The following ST6GALNAC1 variants were observed in gnomAD, a reference collection of about 807,000 sequenced individuals.
ST6GALNAC1 encodes the protein alpha-N-acetylgalactosaminide alpha-2,6-sialyltransferase 1.
In ST6GALNAC1, 45 loss-of-function variants were observed where a neutral mutation model predicts 56.8. That is an observed-to-expected ratio of 0.79 (90% confidence interval 0.62 to 1.02). The LOEUF is 1.02. ST6GALNAC1 is among the 50% of genes least tolerant of loss of function. ST6GALNAC1 has a pLI of 0.00. For synonymous variants in ST6GALNAC1, 295 were observed against 297.8 expected (o/e 0.99, Z 0.10); for missense variants, 743 against 754.8 (o/e 0.98, Z 0.18).
chr17:76,626,032 T>C lies in ST6GALNAC1; in HGVS notation c.1479A>G (p.Pro493=), dbSNP rs763771311. 6.2e-7 allele frequency: 1 copy of C among 1,614,180 alleles called. No homozygotes were observed. The highest frequency in any genetic ancestry group is 1.1e-5 in the South Asian group (1 of 91,084). The change falls in exon 7 of 9, where the codon CCA becomes CCG. Residue 493 remains proline (P), a synonymous_variant. Coordinates refer to ENST00000156626, the MANE Select transcript of ST6GALNAC1 (RefSeq NM_018414.5). ...LHMDRYLLLH[P]DFLRYMKNRF... ...TGTTCTTCATGTATCGGAGAAAGTCTGGGTGCAGCAACAGGTACCTGTCCA... is the reference window on the plus strand; with the variant it reads ...TGTTCTTCATGTATCGGAGAAAGTCCGGGTGCAGCAACAGGTACCTGTCCA...
chr17:76,622,863 T>C (rs1005493452), downstream of ST6GALNAC1, among the ~76,000 whole-genome samples: 2 of 151,440 alleles, frequency 1.3e-5, no homozygotes, highest in Non-Finnish European at 2.9e-5. Context: ...TCGCGATCTC[T>C]GCTCACTGCA....
intron 1 of ST6GALNAC1, among the ~76,000 whole-genome samples, chr17:76,638,377 AT>A (rs1282720191): frequency 6.6e-6 from 1 of 151,726 alleles, no homozygotes; most frequent in African/African-American, 2.4e-5. Flanking sequence ...ATAGAATTGT[AT>A]TTTTTATTTT....
intron 1 of ST6GALNAC1, among the ~76,000 whole-genome samples, chr17:76,630,017 G>C (rs4789333): frequency 0.81 from 122,283 of 151,880 alleles, 49,912 homozygotes; most frequent in South Asian, 0.86. Context: ...CTCCTGACCT[G>C]CCCAGTGATC....
Position 76,627,372 on chromosome 17 carries a change from G to C in ST6GALNAC1, c.1000+43C>G, listed in dbSNP as rs780085500. ...CCAGCTGCCCTCTGCCCTCTGCCCCGGCCTACTGCGCACCCACACCTTCCC... is the reference window on the plus strand; with the variant it reads ...CCAGCTGCCCTCTGCCCTCTGCCCCCGCCTACTGCGCACCCACACCTTCCC... On this transcript the variant is annotated intron_variant, in intron 3 of 8. Coordinates refer to ENST00000156626, the MANE Select transcript of ST6GALNAC1 (RefSeq NM_018414.5). This position sits in a 1 kb window ranked among gnomAD's most constrained non-coding sequence, Gnocchi z 4.4. 17 of 1,572,824 alleles carry C rather than the reference G, an allele frequency of 1.1e-5. No individual in the cohort carries two copies. The Admixed American group carries it at 2.9e-4, about 27-fold the overall frequency.
chr17:76,628,867 G>GCT, intron 2 of ST6GALNAC1, 145 bp downstream of exon 2: 1 of 738,012 alleles, frequency 1.4e-6, no homozygotes, highest in Non-Finnish European at 2.2e-6. Context: ...GTAGGGCTGA[G>GCT]CTCTGCCTCA....
At chr17:76,636,517 G>C (rs2075975037) in intron 1 of ST6GALNAC1, among the ~76,000 whole-genome samples, 1 of 152,114 alleles carries the variant, frequency 6.6e-6, no homozygotes, top group African/African-American at 2.4e-5. Flanking sequence ...AGGAAGACAG[G>C]ACCACAGACA....
downstream of ST6GALNAC1, among the ~76,000 whole-genome samples, chr17:76,623,060 A>G (rs1167169233): frequency 6.6e-6 from 1 of 152,002 alleles, no homozygotes; most frequent in Admixed American, 6.6e-5. Context: ...CTGTCATTTC[A>G]TTTTTTTACA....
intron 1 of ST6GALNAC1, chr17:76,641,958 TGAG>T (rs2076053210): frequency 6.7e-6 from 1 of 150,130 alleles, no homozygotes. Context: ...TACGTATATA[TGAG>T]ATATATATAT....
At chr17:76,626,233 C>A (rs2075795865) in intron 6 of ST6GALNAC1, 56 bp downstream of exon 6, 7 of 1,584,478 alleles carry the variant, frequency 4.4e-6, no homozygotes, top group Non-Finnish European at 6.1e-6. Context: ...CCCTTTAGAG[C>A]CACTCATGAC....
rs1489441581 is a variant in ST6GALNAC1 at position 76,629,203 on chromosome 17, T to C, written c.640A>G (p.Thr214Ala). ...LAPTGAVSTR[T>A]RQKGVTTAVI... ...GCTGTGGTCACTCCTTTCTGTCTCGTCCTTGTTGACACTGCTCCTGTGGGA... is the reference window on the plus strand; with the variant it reads ...GCTGTGGTCACTCCTTTCTGTCTCGCCCTTGTTGACACTGCTCCTGTGGGA... Residue 214 changes from threonine (T) to alanine (A), a missense_variant, in exon 2 of 9, where the codon ACG (threonine) becomes GCG (alanine). Transcript: ENST00000156626. 6.2e-7 allele frequency: 1 copy of C among 1,614,154 alleles called. No homozygotes were observed. Among genetic ancestry groups the C allele is most frequent in the Non-Finnish European group, 8.5e-7 (1 of 1,180,022 alleles).
chr17:76,643,438 C>A (rs2076074572), intron 1 of ST6GALNAC1, 70 bp downstream of exon 1: 3 of 1,562,592 alleles, frequency 1.9e-6, no homozygotes, highest in Non-Finnish European at 2.6e-6. Context: ...CCCCAGTCCT[C>A]CCTGGGCTAT....
intron 1 of ST6GALNAC1, among the ~76,000 whole-genome samples, chr17:76,632,184 A>G (rs1056593667): frequency 2.6e-5 from 4 of 152,146 alleles, no homozygotes; most frequent in Non-Finnish European, 5.9e-5. Context: ...AGCCTCAAGA[A>G]GCCTATGGAA....
intron 1 of ST6GALNAC1, among the ~76,000 whole-genome samples, chr17:76,640,762 A>G (rs1429416505): frequency 6.6e-6 from 1 of 152,256 alleles, no homozygotes; most frequent in East Asian, 1.9e-4. Context: ...CCACAAAGGA[A>G]AAGATGGACA....
In ST6GALNAC1 at chr17:76,626,678, C is replaced by T. The variant is rs1402818679; in HGVS notation, c.1284G>A (p.Arg428=). ...LTQSLLILGN[R]GFKNVPLGKD... ...TCCCAAGAGGCACGTTCTTGAAACCCCGATTGCCCAATATAAGGAGTGACT... is the reference window on the plus strand; with the variant it reads ...TCCCAAGAGGCACGTTCTTGAAACCTCGATTGCCCAATATAAGGAGTGACT... The change falls in exon 5 of 9, where the codon CGG becomes CGA. Residue 428 remains arginine (R), a synonymous_variant. Coordinates refer to ENST00000156626, the MANE Select transcript of ST6GALNAC1 (RefSeq NM_018414.5). 6.2e-7 allele frequency: 1 copy of T among 1,614,196 alleles called. No individual in the cohort carries two copies. Among genetic ancestry groups the T allele is most frequent in the Non-Finnish European group, 8.5e-7 (1 of 1,180,036 alleles).
At chr17:76,630,020 C>T (rs570905868) in intron 1 of ST6GALNAC1, among the ~76,000 whole-genome samples, 80 of 152,042 alleles carry the variant, frequency 5.3e-4, no homozygotes, top group Admixed American at 1.8e-3. Context: ...CTGACCTGCC[C>T]AGTGATCCAC....
At chr17:76,619,197 C>T in the ST6GALNAC1 span, among the ~76,000 whole-genome samples, 1 of 152,174 alleles carries the variant, frequency 6.6e-6, no homozygotes, top group Non-Finnish European at 1.5e-5. Flanking sequence ...TTTGTACCTT[C>T]CCTACCCCAG....
At chr17:76,619,335 C>T in the ST6GALNAC1 span, among the ~76,000 whole-genome samples, 45 of 152,252 alleles carry the variant, frequency 3.0e-4, no homozygotes, top group South Asian at 1.9e-3. Flanking sequence ...TATTCACTGA[C>T]GGATCTAGGG....
intron 1 of ST6GALNAC1, 83 bp downstream of exon 1, chr17:76,643,425 C>T: frequency 2.0e-6 from 3 of 1,509,016 alleles, no homozygotes; most frequent in Non-Finnish European, 1.8e-6. Flanking sequence ...GTGGCTCAGA[C>T]TTCCCCAGTC....
chr17:76,631,114 C>T (rs2075891754), intron 1 of ST6GALNAC1, among the ~76,000 whole-genome samples: 1 of 149,662 alleles, frequency 6.7e-6, no homozygotes, highest in Admixed American at 6.6e-5. Flanking sequence ...TGCGCGAGCA[C>T]TTGTGTGTGT....
Sources: allele counts gnomAD v4.1 joint callset (sites outside exome capture counted in the v4.1 genomes callset), GRCh38; gene constraint gnomAD v4.1.1; non-coding constraint Gnocchi (gnomAD v3.1); transcripts MANE v1.5; gene names NCBI Gene and HGNC (gene_info 2026-07-23, HGNC 2026-07-21).